ARHGAP12: variants seen among roughly 807,000 people sequenced by gnomAD.
ARHGAP12 encodes rho GTPase-activating protein 12.
A neutral mutation model predicts 108.6 loss-of-function variants in ARHGAP12; 64 were observed. That is an observed-to-expected ratio of 0.59 (90% CI 0.48 to 0.73). ARHGAP12 has a LOEUF of 0.73. ARHGAP12 is among the 30% of genes least tolerant of loss of function. ARHGAP12 has a pLI of 0.00. For missense variants in ARHGAP12, 940 were observed against 1,005.9 expected (o/e 0.93, Z 0.89); for synonymous variants, 312 against 337.2 (o/e 0.93, Z 0.82).
chr10:31,902,287 C>A (rs183549226), intron 3 of ARHGAP12, among the ~76,000 whole-genome samples: 2 of 151,338 alleles, frequency 1.3e-5, no homozygotes, highest in Non-Finnish European at 2.9e-5. Flanking sequence ...GGAAAGACAG[C>A]CTTTTCAACA....
At chr10:31,917,882 G>A (rs536424420) in intron 1 of ARHGAP12, among the ~76,000 whole-genome samples, 3 of 152,180 alleles carry the variant, frequency 2.0e-5, no homozygotes, top group African/African-American at 7.2e-5. Flanking sequence ...AGATACAGAC[G>A]GTTCCCAACT....
intron 1 of ARHGAP12, among the ~76,000 whole-genome samples, chr10:31,914,723 C>G (rs780445419): frequency 6.6e-6 from 1 of 152,088 alleles, no homozygotes; most frequent in African/African-American, 2.4e-5. Context: ...TAATGGAAAA[C>G]AATATGGAAG....
chr10:31,808,593 G>A, intron 19 of ARHGAP12, 56 bp downstream of exon 19: 1 of 1,505,622 alleles, frequency 6.6e-7, no homozygotes, highest in Non-Finnish European at 9.2e-7. Context: ...GGCCCCACAG[G>A]CCTTCCCGCT....
chr10:31,890,976 A>G (rs1022381895), intron 3 of ARHGAP12, among the ~76,000 whole-genome samples: 4 of 152,328 alleles, frequency 2.6e-5, no homozygotes, highest in Non-Finnish European at 5.9e-5. Context: ...TATATTTAAC[A>G]CTTGTAGTTT....
At chr10:31,887,941 G>A (rs1294005406) in intron 3 of ARHGAP12, among the ~76,000 whole-genome samples, 1 of 152,114 alleles carries the variant, frequency 6.6e-6, no homozygotes, top group Non-Finnish European at 1.5e-5. Flanking sequence ...ACAGGCGTGA[G>A]TCACCGCGCC....
chr10:31,813,766 G>A (rs72786791), intron 14 of ARHGAP12, among the ~76,000 whole-genome samples: 6,653 of 152,232 alleles, frequency 0.044, 193 homozygotes, highest in South Asian at 0.066. Flanking sequence ...GCTGGCTTTT[G>A]CTATGCTCCT....
At chr10:31,843,366 A>T in intron 7 of ARHGAP12, 95 bp downstream of exon 7, 1 of 1,321,042 alleles carries the variant, frequency 7.6e-7, no homozygotes, top group Middle Eastern at 1.8e-4. Context: ...TTTAGCAAAG[A>T]ATATTTACTA....
intron 3 of ARHGAP12, among the ~76,000 whole-genome samples, chr10:31,865,115 G>A (rs1158135501): frequency 2.0e-5 from 3 of 152,288 alleles, no homozygotes; most frequent in East Asian, 3.9e-4. Context: ...GGAAAAGCAA[G>A]TAACAGCACA....
chr10:31,860,251 G>A, intron 4 of ARHGAP12, among the ~76,000 whole-genome samples: 1 of 152,198 alleles, frequency 6.6e-6, no homozygotes, highest in Non-Finnish European at 1.5e-5. Context: ...TACAAGATGT[G>A]TTCCCTGATT....
At chr10:31,852,152 T>C (rs1283439003) in intron 6 of ARHGAP12, among the ~76,000 whole-genome samples, 4 of 152,202 alleles carry the variant, frequency 2.6e-5, no homozygotes, top group African/African-American at 9.6e-5. Flanking sequence ...GTTACTTTTC[T>C]TTCTCTCAAA....
chr10:31,816,059 G>A lies in ARHGAP12; in HGVS notation c.1732-1698C>T, dbSNP rs61843843. On this transcript the variant is annotated intron_variant, in intron 13 of 19. Coordinates refer to ENST00000344936, the MANE Select transcript of ARHGAP12 (RefSeq NM_018287.7). ...CCAGCTACTTGGGAGGCTGAGACAG[G>A]AGAATCACTTGAACCCAGGAGACGG... 3.6e-3 allele frequency among the ~76,000 whole-genome samples: 548 copies of A among 152,154 alleles called. 2 individuals are homozygous for A. The highest frequency in any genetic ancestry group is 0.027 in the Middle Eastern group (8 of 294).
At chr10:31,888,906 A>ATC (rs778729040) in intron 3 of ARHGAP12, among the ~76,000 whole-genome samples, 26 of 148,220 alleles carry the variant, frequency 1.8e-4, no homozygotes, top group Non-Finnish European at 3.2e-4. Context: ...GGAGGTGAAC[A>ATC]TAAGAGGACT....
chr10:31,843,339 C>T, intron 7 of ARHGAP12, 122 bp downstream of exon 7: 2 of 1,130,998 alleles, frequency 1.8e-6, no homozygotes, highest in Non-Finnish European at 2.5e-6. Context: ...TAAATTAGTT[C>T]AAAAGAAATC....
At chr10:31,861,697 G>A (rs778895420) in intron 3 of ARHGAP12, 39 bp from the exon 4 acceptor site, 28 of 1,535,236 alleles carry the variant, frequency 1.8e-5, no homozygotes, top group Non-Finnish European at 2.4e-5. Context: ...GTTTAAACTG[G>A]TATAACATTT....
intron 3 of ARHGAP12, among the ~76,000 whole-genome samples, chr10:31,863,530 T>C (rs1837212458): frequency 6.6e-6 from 1 of 152,178 alleles, no homozygotes; most frequent in African/African-American, 2.4e-5. Flanking sequence ...TTTTTAAAGT[T>C]TTTCCAGCTA....
At chr10:31,852,896 T>C (rs1592290254) in intron 5 of ARHGAP12, among the ~76,000 whole-genome samples, 1 of 151,980 alleles carries the variant, frequency 6.6e-6, no homozygotes, top group East Asian at 1.9e-4. Flanking sequence ...CTGGCTAATT[T>C]TGTGTTTTTT....
rs1836740330 is a variant in ARHGAP12, at chr10:31,852,760, C to T, written c.1090-163G>A. Among the ~76,000 whole-genome samples, 2 of 133,424 alleles carry T rather than the reference C, an allele frequency of 1.5e-5. 1 individual carries two copies. Among genetic ancestry groups the T allele is most frequent in the South Asian group, 4.6e-4 (2 of 4,346 alleles). The allele number at this position is 133,424 out of a possible 152,430, so 87.5% of individuals were successfully genotyped here. On this transcript the variant is annotated intron_variant, in intron 5 of 19. Transcript: ENST00000344936. ...TTTTTTTTTTTTTTTTTTGAGAGCC[C>T]AGGCTGGAGTGCAATGGCACCATCT... is the stretch of plus-strand genomic sequence containing the variant.
chr10:31,911,815 C>A (rs1839362525), intron 1 of ARHGAP12, among the ~76,000 whole-genome samples: 2 of 152,278 alleles, frequency 1.3e-5, no homozygotes, highest in South Asian at 4.1e-4. Flanking sequence ...AGAAAACAAT[C>A]AAACAAATCC....
chr10:31,928,595 G>T lies in ARHGAP12; in HGVS notation c.-111+88C>A, dbSNP rs535114286. On this transcript the variant is annotated intron_variant, in intron 1 of 19. Transcript: ENST00000344936. The stretch of plus-strand genomic sequence containing the variant: ...GCCTCCCCCCGACTCCACCGCCCTC[G>T]GCGGGCACAGCCCGGCCCCGGCGCG... The T allele has an allele frequency of 6.6e-3, 1,006 of 152,800 alleles. 13 individuals carry two copies. The highest frequency in any genetic ancestry group is 6.9e-3 in the Non-Finnish European group (475 of 68,346). 9.5% of individuals were successfully genotyped at this position (152,800 alleles called of 1,614,324 possible).
Sources: gnomAD v4.1 joint callset for allele counts (sites outside exome capture counted in the v4.1 genomes callset) on GRCh38, gnomAD v4.1.1 for gene constraint, MANE v1.5 for transcripts, NCBI Gene and HGNC (gene_info 2026-07-23, HGNC 2026-07-21) for gene names.